CCDC102A: variants seen among roughly 807,000 people sequenced by gnomAD.
The protein encoded by CCDC102A is coiled-coil domain containing 102A.
A neutral mutation model predicts 55.5 loss-of-function variants in CCDC102A; 40 were observed. The ratio of observed to expected loss-of-function variants is 0.72; its 90% CI spans 0.56 to 0.94. The LOEUF (loss-of-function observed/expected upper bound fraction) is 0.94, where lower values mean the gene tolerates loss of function less well. Ranked by LOEUF, CCDC102A falls within the 40% of genes least tolerant of loss-of-function variation. The pLI, the probability that CCDC102A is intolerant of heterozygous loss-of-function variation, is 0.00. For synonymous variants in CCDC102A, 323 were observed against 339.0 expected, an observed-to-expected ratio of 0.95 and a Z score of 0.52; for missense variants, 779 against 768.6, an observed-to-expected ratio of 1.01 and a Z score of -0.16.
chr16:57,528,778 T>C lies in CCDC102A; in HGVS notation c.400A>G (p.Lys134Glu). The C allele has an allele frequency of 8.3e-7, 1 of 1,201,120 alleles. No individual in the cohort carries two copies. The highest frequency in any genetic ancestry group is 1.0e-6 in the Non-Finnish European group (1 of 959,670). 74.4% of individuals were successfully genotyped at this position (1,201,120 alleles called of 1,614,324 possible). The part of the protein sequence containing the change: ...QLRQRLDALT[K>E]ELAGARRERQ... ...TCGCGCCGTGCGCCCGCCAGCTCCTTGGTGAGCGCGTCCAGGCGCTGGCGC... is the reference window on the plus strand; with the variant it reads ...TCGCGCCGTGCGCCCGCCAGCTCCTCGGTGAGCGCGTCCAGGCGCTGGCGC... The change falls in exon 2 of 9, where the codon AAG becomes GAG. Residue 134 changes from lysine (K) to glutamate (E), a missense_variant. Lys to Glu is a moderately conservative substitution (Grantham distance 56). Coordinates refer to ENST00000258214, the MANE Select transcript of CCDC102A (RefSeq NM_033212.4).
chr16:57,515,423 C>A lies in CCDC102A; in HGVS notation c.1441G>T (p.Ala481Ser). 6.2e-7 allele frequency: 1 copy of A among 1,606,814 alleles called. No homozygotes were observed. ...TCCAGCGACCGCTGCAGCTTACGTG[C>A]CTGGTTGTGGGCCTCGTCCAGCTGT... ...EDELDEAHNQ[A>S]RKLQRSLDEQ... Residue 481 changes from alanine (A) to serine (S), a missense_variant, in exon 8 of 9, where the codon GCA (alanine) becomes TCA (serine). Ala to Ser is a moderately conservative substitution (Grantham distance 99). Transcript: ENST00000258214.
In CCDC102A at chr16:57,526,062, C is replaced by T. The variant is rs748648469; in HGVS notation, c.651G>A (p.Ala217=). ...GCGGGCCCCCAGCCCCCAGGCTGCGCGCCTCCCAGCAGTCCTCAGACTCCT... is the reference window on the plus strand; with the variant it reads ...GCGGGCCCCCAGCCCCCAGGCTGCGTGCCTCCCAGCAGTCCTCAGACTCCT... ...MPEESEDCWE[A]RSLGAGGPRG... is the part of the protein sequence containing the mutation. The change falls in exon 3 of 9, where the codon GCG becomes GCA. Residue 217 remains alanine, a synonymous_variant. Coordinates refer to ENST00000258214, the MANE Select transcript of CCDC102A (RefSeq NM_033212.4). The T allele has an allele frequency of 6.3e-5, 100 of 1,589,530 alleles. No homozygotes were observed. The highest frequency in any genetic ancestry group is 1.8e-4 in the East Asian group (8 of 44,362).
intron 3 of CCDC102A, among the ~76,000 whole-genome samples, chr16:57,524,263 G>A (rs552169105): frequency 2.6e-5 from 4 of 151,994 alleles, no homozygotes; most frequent in East Asian, 1.9e-4. Context: ...TGCTGGGGCC[G>A]CCACCTCCTG....
At chr16:57,528,452 C>G in intron 2 of CCDC102A, 141 bp downstream of exon 2, 1 of 525,226 alleles carries the variant, frequency 1.9e-6, no homozygotes, top group Non-Finnish European at 2.6e-6. Context: ...TGAGGCCCCG[C>G]AAGGGTAGAA....
chr16:57,528,062 C>T (rs532705711), intron 2 of CCDC102A, among the ~76,000 whole-genome samples: 2 of 152,210 alleles, frequency 1.3e-5, no homozygotes, highest in Non-Finnish European at 2.9e-5. Context: ...ATCCTGCTGC[C>T]GCAGCCACAG....
rs1172934158 is a variant in CCDC102A at position 57,516,616 on chromosome 16, T to C, written c.1249-153A>G. ...CATCTGTTGTCTGAAGTATCAGCAG[T>C]AGAGGTTTGGCTGAGCAGCCAGAGG... On this transcript the variant is annotated intron_variant, in intron 6 of 8. Transcript: ENST00000258214. The surrounding 1 kb of genome is among the most constrained non-coding windows in gnomAD (Gnocchi z 4.4). The C allele has an allele frequency of 5.8e-6, 4 of 689,392 alleles. No homozygotes were observed. The highest frequency in any genetic ancestry group is 1.8e-5 in the South Asian group (1 of 55,716). The allele number at this position is 689,392 out of a possible 1,614,324, so 42.7% of individuals were successfully genotyped here. A position where few individuals can be genotyped will look rare whatever the true frequency, so the allele number is the denominator to read the frequency against.
At chr16:57,523,153 G>A (rs1224972116) in intron 3 of CCDC102A, among the ~76,000 whole-genome samples, 1 of 151,816 alleles carries the variant, frequency 6.6e-6, no homozygotes, top group Non-Finnish European at 1.5e-5. Context: ...GGGCAACAGA[G>A]CGAGACTCTG....
chr16:57,528,682 C>G lies in CCDC102A; in HGVS notation c.496G>C (p.Val166Leu). The G allele has an allele frequency of 8.9e-7, 1 of 1,126,232 alleles. No homozygotes were observed. Among genetic ancestry groups the G allele is most frequent in the Non-Finnish European group, 1.1e-6 (1 of 916,624 alleles). The allele number at this position is 1,126,232 out of a possible 1,614,324, so 69.8% of individuals were successfully genotyped here. The change falls in exon 2 of 9, where the codon GTC (valine) becomes CTC (leucine). Residue 166 changes from valine (V) to leucine (L), a missense_variant. Val to Leu is a conservative substitution (Grantham distance 32, BLOSUM62 1). Transcript: ENST00000258214. The stretch of plus-strand genomic sequence containing the variant: ...GGGCCGTCGCGCGTCTGGTCGGCGA[C>G]CCCCCGGGCGCCCCTCAGCCGCGCC... The part of the protein sequence containing the change: ...ELARLRGARG[V>L]ADQTRDGPEP...
chr16:57,536,228 G>T (rs1014494452), intron 1 of CCDC102A, among the ~76,000 whole-genome samples: 7 of 141,302 alleles, frequency 5.0e-5, no homozygotes, highest in African/African-American at 1.8e-4. Flanking sequence ...CGTCCGGCCC[G>T]GGCCGCGGCA....
In CCDC102A at chr16:57,512,527, C is replaced by CGTGT. The variant is rs1226619817; in HGVS notation, c.*213_*214insACAC. 35 of 493,122 alleles carry CGTGT rather than the reference C, an allele frequency of 7.1e-5. No individual in the cohort carries two copies. In the East Asian group the frequency reaches 1.2e-3, roughly 16 times the overall value. 30.5% of individuals were successfully genotyped at this position (493,122 alleles called of 1,614,324 possible). On this transcript the variant is annotated 3_prime_UTR_variant, in exon 9 of 9. Coordinates refer to ENST00000258214, the MANE Select transcript of CCDC102A (RefSeq NM_033212.4). ...ACTTCTGGGTGTGCGCGCGCGCGCGCGCGTGTGTGTATATATATATATAAA... is the reference window on the plus strand; with the variant it reads ...ACTTCTGGGTGTGCGCGCGCGCGCGCGTGTGCGTGTGTGTATATATATATATAAA...
rs555115485 is a variant in CCDC102A, at chr16:57,531,032, T to G, written c.-147-1708A>C. ...CTCCCAGGTGAACCCCCTGGGCTTATCCCTCGAATGCGGCTGTCATCGGGC... is the reference window on the plus strand; with the variant it reads ...CTCCCAGGTGAACCCCCTGGGCTTAGCCCTCGAATGCGGCTGTCATCGGGC... On this transcript the variant is annotated intron_variant, in intron 1 of 8. Coordinates refer to ENST00000258214, the MANE Select transcript of CCDC102A (RefSeq NM_033212.4). 1.2e-3 allele frequency among the ~76,000 whole-genome samples: 179 copies of G among 151,908 alleles called. 1 individual carries two copies. The highest frequency in any genetic ancestry group is 4.2e-3 in the African/African-American group (175 of 41,410).
At chr16:57,531,081 G>A (rs559015832) in intron 1 of CCDC102A, among the ~76,000 whole-genome samples, 17 of 151,782 alleles carry the variant, frequency 1.1e-4, no homozygotes, top group East Asian at 3.9e-4. Flanking sequence ...CTCCTCTCAC[G>A]ATATCCCTGC....
At chr16:57,513,121 C>A (rs1166744532) in intron 8 of CCDC102A, among the ~76,000 whole-genome samples, 1 of 152,212 alleles carries the variant, frequency 6.6e-6, no homozygotes, top group Non-Finnish European at 1.5e-5. Context: ...GAGCTCTGAA[C>A]TGAAGTGGGT....
At chr16:57,521,606 G>T (rs1246353677) in intron 3 of CCDC102A, among the ~76,000 whole-genome samples, 1 of 152,220 alleles carries the variant, frequency 6.6e-6, no homozygotes, top group African/African-American at 2.4e-5. Flanking sequence ...TCCCTGCAAG[G>T]CTTGGTCTGA....
chr16:57,536,157 G>A (rs146852474), intron 1 of CCDC102A, among the ~76,000 whole-genome samples: 3,049 of 152,194 alleles, frequency 0.02, 69 homozygotes, highest in South Asian at 0.068. Flanking sequence ...CATTCGCCAT[G>A]GCGACCACGT....
In CCDC102A at chr16:57,512,513, T is replaced by C. The variant is rs1226362011; in HGVS notation, c.*228A>G. On this transcript the variant is annotated 3_prime_UTR_variant, in exon 9 of 9. Coordinates refer to ENST00000258214, the MANE Select transcript of CCDC102A (RefSeq NM_033212.4). ...AAATGGGTCCAAAGACTTCTGGGTG[T>C]GCGCGCGCGCGCGCGCGTGTGTGTA... 19 of 429,896 alleles carry C rather than the reference T, an allele frequency of 4.4e-5. No homozygotes were observed. Among genetic ancestry groups the C allele is most frequent in the Admixed American group, 3.3e-4 (8 of 24,336 alleles). 26.6% of individuals were successfully genotyped at this position (429,896 alleles called of 1,614,324 possible).
In CCDC102A at chr16:57,516,295, C is replaced by T. The variant is rs201471656; in HGVS notation, c.1417G>A (p.Glu473Lys). Reference protein sequence around the residue: ...LKKELAQAEDELDEAHNQARK... With the variant: ...LKKELAQAEDKLDEAHNQARK... ...CCCTGCCCCTCTGTGGTCCTCACCT[C>T]GTCCTCAGCCTGGGCCAGCTCCTTC... Residue 473 changes from glutamate to lysine, a missense_variant and splice_region_variant, in exon 7 of 9, where the codon GAG becomes AAG. Coordinates refer to ENST00000258214, the MANE Select transcript of CCDC102A (RefSeq NM_033212.4). This position sits in a 1 kb window ranked among gnomAD's most constrained non-coding sequence, Gnocchi z 4.4. The T allele has an allele frequency of 6.4e-5, 102 of 1,603,990 alleles. 2 individuals carry two copies. Among genetic ancestry groups the T allele is most frequent in the South Asian group, 3.6e-4 (33 of 91,012 alleles).
chr16:57,513,675 G>A (rs959936016), intron 8 of CCDC102A, among the ~76,000 whole-genome samples: 9 of 152,242 alleles, frequency 5.9e-5, no homozygotes, highest in African/African-American at 1.4e-4. Flanking sequence ...CCCAGACTGC[G>A]GGAAAGCCCC....
At position 57,512,559 on chromosome 16, in the gene CCDC102A, G is replaced by T. The variant is rs755497325; in HGVS notation, c.*182C>A. The T allele has an allele frequency of 5.2e-5, 35 of 674,802 alleles. No individual in the cohort carries two copies. Among genetic ancestry groups the T allele is most frequent in the Non-Finnish European group, 8.5e-5 (34 of 400,044 alleles). The allele number at this position is 674,802 out of a possible 1,614,324, so 41.8% of individuals were successfully genotyped here. ...GTGTATATATATATATAAAACATAG[G>T]CTTCCTTTCCACAGGGCGTTGGTAG... On this transcript the variant is annotated 3_prime_UTR_variant, in exon 9 of 9. Transcript: ENST00000258214.
Sources: gnomAD v4.1 joint callset for allele counts (sites outside exome capture counted in the v4.1 genomes callset) on GRCh38, gnomAD v4.1.1 for gene constraint, Gnocchi (gnomAD v3.1) non-coding constraint, MANE v1.5 for transcripts, NCBI Gene and HGNC (gene_info 2026-07-23, HGNC 2026-07-21) for gene names.